GANAB: variants seen among roughly 807,000 people sequenced by gnomAD.
GANAB encodes neutral alpha-glucosidase AB.
In GANAB, 35 loss-of-function variants were observed where a neutral mutation model predicts 129.9. That is an observed-to-expected ratio of 0.27 (90% CI 0.21 to 0.36). GANAB has a LOEUF of 0.36. Among genes scored for constraint, GANAB ranks in the 10% least tolerant of loss-of-function variants. GANAB has a pLI of 1.00. For synonymous variants in GANAB, 482 were observed against 451.8 expected (o/e 1.07, Z -0.85); for missense variants, 939 against 1,221.0 (o/e 0.77, Z 3.44).
At position 62,633,005 on chromosome 11, in the gene GANAB, T is replaced by A; in HGVS notation, c.815A>T (p.Glu272Val). Reference sequence around the variant, plus strand: ...TTCCTGATGTCACCATAGGACTCACTCAGTGACCTTCAGCCTCAGGTTGTC... The same window carrying A: ...TTCCTGATGTCACCATAGGACTCACACAGTGACCTTCAGCCTCAGGTTGTC... ...HADNLRLKVTEGGEPYRLYNL... is the reference protein window; with the variant it reads ...HADNLRLKVTVGGEPYRLYNL... The change falls in exon 8 of 24, where the codon GAG (glutamate) becomes GTG (valine). Residue 272 changes from glutamate (E) to valine (V), a missense_variant and splice_region_variant. Physicochemically the swap from Glu to Val is moderately radical, Grantham distance 121 (BLOSUM62 -2). Transcript: ENST00000356638. The A allele has an allele frequency of 1.3e-6, 2 of 1,561,902 alleles. No homozygotes were observed. The highest frequency in any genetic ancestry group is 1.8e-6 in the Non-Finnish European group (2 of 1,132,584).
intron 9 of GANAB, 74 bp downstream of exon 9, chr11:62,632,491 G>T: frequency 1.7e-6 from 2 of 1,147,582 alleles, no homozygotes; most frequent in Non-Finnish European, 2.6e-6. Flanking sequence ...AATAGCTAAT[G>T]CCCCTAGTAT....
chr11:62,643,036 T>C (rs778986338), intron 1 of GANAB, among the ~76,000 whole-genome samples: 12 of 152,174 alleles, frequency 7.9e-5, no homozygotes, highest in African/African-American at 1.2e-4. Flanking sequence ...GCCTGTCTCA[T>C]TGAGGACCAT....
At position 62,639,444 on chromosome 11, in the gene GANAB, C is replaced by T. The variant is rs1389424073; in HGVS notation, c.167G>A (p.Gly56Asp). 1 of 1,613,612 alleles carries T rather than the reference C, an allele frequency of 6.2e-7. No individual in the cohort carries two copies. Reference protein sequence around the residue: ...FCKRQRSIRPGLSPYRALLDS... With the variant: ...FCKRQRSIRPDLSPYRALLDS... ...CAGCAAGGCTCGGTATGGAGAGAGG[C>T]CTGGCCGTATGCTTCTCTGTCGCCT... Residue 56 changes from glycine to aspartate, a missense_variant, in exon 3 of 24, where the codon GGC becomes GAC. Physicochemically the swap from Gly to Asp is moderately conservative, Grantham distance 94. Transcript: ENST00000356638.
chr11:62,640,721 T>C (rs1306832946), intron 1 of GANAB, among the ~76,000 whole-genome samples: 1 of 149,176 alleles, frequency 6.7e-6, no homozygotes, highest in Non-Finnish European at 1.5e-5. Flanking sequence ...TAGTCCCAGC[T>C]ACTCGGGAGG....
At chr11:62,646,196 G>A (rs1944471559) in intron 1 of GANAB, among the ~76,000 whole-genome samples, 1 of 152,216 alleles carries the variant, frequency 6.6e-6, no homozygotes. Flanking sequence ...CATTCCCCGA[G>A]GCCAGGCCGC....
Position 62,626,370 on chromosome 11 carries a change from A to G in GANAB, c.2589T>C (p.Arg863=). 1 of 1,613,240 alleles carries G rather than the reference A, an allele frequency of 6.2e-7. No homozygotes were observed. Among genetic ancestry groups the G allele is most frequent in the Non-Finnish European group, 8.5e-7 (1 of 1,179,166 alleles). The change falls in exon 22 of 24, where the codon CGT becomes CGC. Residue 863 remains arginine (R), a synonymous_variant. Coordinates refer to ENST00000356638, the MANE Select transcript of GANAB (RefSeq NM_198334.3). ...GGGTGTTGCCAGAGAATGAGAATCG[A>G]CGCAGCAGGAACTCTTGGCGAGTCT... ...NYQTRQEFLL[R]RFSFSGNTLV...
At chr11:62,637,481 C>T (rs1943996716) in intron 4 of GANAB, among the ~76,000 whole-genome samples, 1 of 152,104 alleles carries the variant, frequency 6.6e-6, no homozygotes, top group African/African-American at 2.4e-5. Context: ...CGAAGCTGAT[C>T]ATCTCCATAT....
intron 1 of GANAB, among the ~76,000 whole-genome samples, chr11:62,640,626 G>A (rs2134541444): frequency 6.6e-6 from 1 of 151,168 alleles, no homozygotes; most frequent in East Asian, 1.9e-4. Context: ...GAGGTCAGGA[G>A]TTTGAGACCA....
At chr11:62,634,341 T>C (rs755410509) in intron 5 of GANAB, 5 of 1,612,114 alleles carry the variant, frequency 3.1e-6, no homozygotes, top group South Asian at 1.1e-5. Context: ...TTATCCCATA[T>C]GCTACCAAGC....
At chr11:62,627,440 G>C (rs1943447430) in intron 17 of GANAB, 87 bp from the exon 18 acceptor site, 1 of 778,180 alleles carries the variant, frequency 1.3e-6, no homozygotes, top group Middle Eastern at 2.3e-4. Flanking sequence ...AATAAGAAAA[G>C]AACAGCATAG....
intron 1 of GANAB, among the ~76,000 whole-genome samples, chr11:62,646,152 C>T (rs189176523): frequency 1.8e-4 from 28 of 152,316 alleles, no homozygotes; most frequent in African/African-American, 6.7e-4. Flanking sequence ...CCGGTGCTTC[C>T]AGCTCAGCCG....
intron 17 of GANAB, among the ~76,000 whole-genome samples, chr11:62,628,475 A>G (rs1943508702): frequency 6.6e-6 from 1 of 152,060 alleles, no homozygotes; most frequent in Non-Finnish European, 1.5e-5. Context: ...GGCCTCCCAA[A>G]GTGCTGGGAT....
At chr11:62,632,846 T>C in intron 8 of GANAB, 101 bp from the exon 9 acceptor site, 1 of 1,070,834 alleles carries the variant, frequency 9.3e-7, no homozygotes. Context: ...CAAAGGCTCC[T>C]CTTGTCCTTT....
At position 62,626,182 on chromosome 11, in the gene GANAB, C is replaced by G. The variant is rs773316721; in HGVS notation, c.2625-17G>C. ...TCTGCTGAGCTGGAGATGGTAAAAG[C>G]AGATGTCCATCAGGGGGAAAAATAA... On this transcript the variant is annotated splice_polypyrimidine_tract_variant and intron_variant, in intron 22 of 23. Transcript: ENST00000356638. 2 of 1,554,324 alleles carry G rather than the reference C, an allele frequency of 1.3e-6. No homozygotes were observed. Among genetic ancestry groups the G allele is most frequent in the South Asian group, 2.2e-5 (2 of 89,936 alleles).
At chr11:62,639,809 C>T (rs1944143391) in intron 1 of GANAB, 78 bp from the exon 2 acceptor site, 2 of 822,370 alleles carry the variant, frequency 2.4e-6, no homozygotes, top group Non-Finnish European at 4.2e-6. Flanking sequence ...AAGCTTCTTC[C>T]TGTCATAGCA....
rs10629748 is a variant in GANAB at position 62,641,341 on chromosome 11, G to GAAA, written c.39-1613_39-1611dup. 5.1e-3 allele frequency among the ~76,000 whole-genome samples: 562 copies of GAAA among 109,922 alleles called. 17 individuals are homozygous for GAAA. Among genetic ancestry groups the GAAA allele is most frequent in the East Asian group, 0.028 (99 of 3,502 alleles). The allele number at this position is 109,922 out of a possible 152,430, so 72.1% of individuals were successfully genotyped here. ...CCTAGGTGATGGAGCAAAACTCTCA[G>GAAA]AAAAAAAAAAAAAAAAAAGATGTAC... On this transcript the variant is annotated intron_variant, in intron 1 of 23. Coordinates refer to ENST00000356638, the MANE Select transcript of GANAB (RefSeq NM_198334.3).
rs537654153 is a variant in GANAB at position 62,635,124 on chromosome 11, T to G, written c.381-124A>C. 1.1e-5 allele frequency: 7 copies of G among 617,970 alleles called. No homozygotes were observed. In the Admixed American group the frequency reaches 2.0e-4, roughly 17 times the overall value. The allele number at this position is 617,970 out of a possible 1,614,324, so 38.3% of individuals were successfully genotyped here. On this transcript the variant is annotated intron_variant, in intron 4 of 23. Transcript: ENST00000356638. The stretch of plus-strand genomic sequence containing the variant: ...AGGCAGTGTGGTAACAGAGCAGGGA[T>G]AGACAAGTTAATAAACAGAACCAAA...
At chr11:62,628,084 A>G (rs1017809823) in intron 17 of GANAB, among the ~76,000 whole-genome samples, 4 of 152,092 alleles carry the variant, frequency 2.6e-5, no homozygotes, top group Admixed American at 2.0e-4. Context: ...AGTACATAAC[A>G]AACTAATTTC....
chr11:62,634,041 G>C (rs1368567451), intron 5 of GANAB: 1 of 442,564 alleles, frequency 2.3e-6, no homozygotes, highest in Admixed American at 3.9e-5. Context: ...CTGAGAGTCA[G>C]GAACCCCAGC....
Sources: gnomAD v4.1 joint callset for allele counts (sites outside exome capture counted in the v4.1 genomes callset) on GRCh38, gnomAD v4.1.1 for gene constraint, MANE v1.5 for transcripts, NCBI Gene and HGNC (gene_info 2026-07-23, HGNC 2026-07-21) for gene names.